ZBTB16: variants seen among roughly 807,000 people sequenced by gnomAD.
ZBTB16 encodes zinc finger and BTB domain-containing protein 16.
Under a neutral mutation model 56.8 loss-of-function variants are expected in ZBTB16, and 8 were observed. The ratio of observed to expected loss-of-function variants is 0.14; its 90% CI spans 0.08 to 0.25. ZBTB16 has a LOEUF of 0.25. Among genes scored for constraint, ZBTB16 ranks in the 10% least tolerant of loss-of-function variants. The pLI is 1.00. For synonymous variants in ZBTB16, 363 were observed against 368.5 expected, an observed-to-expected ratio of 0.98 and a Z score of 0.17; for missense variants, 625 against 903.0, an observed-to-expected ratio of 0.69 and a Z score of 3.95.
chr11:114,241,452 A>C (rs1034249553), intron 4 of ZBTB16, among the ~76,000 whole-genome samples: 9 of 152,188 alleles, frequency 5.9e-5, no homozygotes, highest in Non-Finnish European at 1.3e-4. Flanking sequence ...TTAGATTCTC[A>C]CAGGAGCATG....
At chr11:114,228,039 AGACAGG>A (rs1284546708) in intron 4 of ZBTB16, among the ~76,000 whole-genome samples, 1 of 152,146 alleles carries the variant, frequency 6.6e-6, no homozygotes, top group Non-Finnish European at 1.5e-5. Context: ...CCTGACTCCT[AGACAGG>A]GATTCTTAAC....
intron 2 of ZBTB16, among the ~76,000 whole-genome samples, chr11:114,134,724 C>T (rs1238026980): frequency 6.6e-6 from 1 of 152,072 alleles, no homozygotes; most frequent in East Asian, 1.9e-4. Flanking sequence ...CATTATTGGT[C>T]CTTATTCATA....
At chr11:114,066,490 T>C (rs1939122774) in intron 2 of ZBTB16, among the ~76,000 whole-genome samples, 1 of 152,200 alleles carries the variant, frequency 6.6e-6, no homozygotes, top group African/African-American at 2.4e-5. Flanking sequence ...ATTTCGGCTG[T>C]GTGCTATGAG....
chr11:114,179,327 C>T (rs1943192164), intron 3 of ZBTB16, among the ~76,000 whole-genome samples: 1 of 151,726 alleles, frequency 6.6e-6, no homozygotes, highest in Non-Finnish European at 1.5e-5. Context: ...TGGGAGTACA[C>T]ATCTCCTTGA....
rs550284603 is a variant in ZBTB16 at position 114,175,215 on chromosome 11, C to CA, written c.1367-11735dup. Among the ~76,000 whole-genome samples, 202 of 152,276 alleles carry CA rather than the reference C, an allele frequency of 1.3e-3. 1 individual carries two copies. Among genetic ancestry groups the CA allele is most frequent in the South Asian group, 2.7e-3 (13 of 4,828 alleles). ...GGTGCCCAGCACAGAAAGTGGAGCTCAACAGGCACACAACACCAATACTTT... is the reference window on the plus strand; with the variant it reads ...GGTGCCCAGCACAGAAAGTGGAGCTCAAACAGGCACACAACACCAATACTTT... On this transcript the variant is annotated intron_variant, in intron 3 of 6. Coordinates refer to ENST00000335953, the MANE Select transcript of ZBTB16 (RefSeq NM_006006.6).
chr11:114,080,818 AG>A (rs1362608468), intron 2 of ZBTB16, among the ~76,000 whole-genome samples: 1 of 152,204 alleles, frequency 6.6e-6, no homozygotes, highest in Non-Finnish European at 1.5e-5. Context: ...TATTTTCGGA[AG>A]GTTGAGGAAT....
chr11:114,112,551 G>A lies in ZBTB16; in HGVS notation c.1269-43786G>A, dbSNP rs17116386. ...TCTTCCTGTAAAAAAGTTGGCTGTC[G>A]TCAAAACACCCCTTCTGTCTAAGGG... is the stretch of plus-strand genomic sequence containing the variant. On this transcript the variant is annotated intron_variant, in intron 2 of 6. Transcript: ENST00000335953. Among the ~76,000 whole-genome samples, 852 of 152,140 alleles carry A rather than the reference G, an allele frequency of 5.6e-3. 12 individuals are homozygous for A. The highest frequency in any genetic ancestry group is 0.049 in the East Asian group (253 of 5,170).
chr11:114,196,318 G>T (rs1479664856), intron 4 of ZBTB16, among the ~76,000 whole-genome samples: 1 of 152,190 alleles, frequency 6.6e-6, no homozygotes, highest in African/African-American at 2.4e-5. Context: ...GCTATCACCA[G>T]GAACCTGGGT....
intron 2 of ZBTB16, among the ~76,000 whole-genome samples, chr11:114,150,137 C>T (rs189346141): frequency 5.3e-5 from 8 of 152,282 alleles, no homozygotes; most frequent in Non-Finnish European, 2.9e-5. Context: ...GACTAATGGC[C>T]TACTTAGCCT....
chr11:114,182,657 C>T (rs929708268), intron 3 of ZBTB16, among the ~76,000 whole-genome samples: 1 of 152,218 alleles, frequency 6.6e-6, no homozygotes, highest in East Asian at 1.9e-4. Flanking sequence ...CTGCTAGGTC[C>T]ATGCGCACCC....
rs180803335 is a variant in ZBTB16, at chr11:114,119,116, A to G, written c.1269-37221A>G. Among the ~76,000 whole-genome samples the G allele has an allele frequency of 5.1e-4, 77 of 151,952 alleles. 1 individual carries two copies. In the East Asian group the frequency reaches 0.013, roughly 26 times the overall value. ...CATGTCTCTACTAAAAATACAAAAA[A>G]TTAGCTGGATGTGGTGGTGGGTGCC... On this transcript the variant is annotated intron_variant, in intron 2 of 6. Transcript: ENST00000335953.
intron 4 of ZBTB16, among the ~76,000 whole-genome samples, chr11:114,198,201 C>T (rs939222607): frequency 1.3e-5 from 2 of 152,122 alleles, no homozygotes; most frequent in Non-Finnish European, 2.9e-5. Context: ...ATTTGTATAG[C>T]ATTTCACATT....
chr11:114,171,775 T>C (rs1320495839), intron 3 of ZBTB16, among the ~76,000 whole-genome samples: 9 of 152,264 alleles, frequency 5.9e-5, no homozygotes, highest in African/African-American at 2.2e-4. Flanking sequence ...TATCTCAGTC[T>C]CTGGCACGGA....
chr11:114,131,381 A>G (rs1454272261), intron 2 of ZBTB16, among the ~76,000 whole-genome samples: 2 of 152,218 alleles, frequency 1.3e-5, no homozygotes, highest in African/African-American at 2.4e-5. Context: ...AATTTTTACT[A>G]AATTCTTGCA....
intron 2 of ZBTB16, among the ~76,000 whole-genome samples, chr11:114,073,078 G>A (rs1259421658): frequency 7.1e-6 from 1 of 141,338 alleles, no homozygotes; most frequent in African/African-American, 2.6e-5. Context: ...AAAAAAAAGA[G>A]TTGTACCAGG....
chr11:114,221,878 A>T (rs1591794110), intron 4 of ZBTB16, among the ~76,000 whole-genome samples: 1 of 152,312 alleles, frequency 6.6e-6, no homozygotes, highest in Admixed American at 6.5e-5. Context: ...GGGGAATAGG[A>T]TGAGTGAAAT....
At chr11:114,160,854 G>A (rs1218137511) in intron 3 of ZBTB16, among the ~76,000 whole-genome samples, 1 of 152,166 alleles carries the variant, frequency 6.6e-6, no homozygotes, top group Non-Finnish European at 1.5e-5. Flanking sequence ...TTGGGGGTCA[G>A]AAGGGTTTGC....
intron 4 of ZBTB16, among the ~76,000 whole-genome samples, chr11:114,218,153 G>C (rs1944149891): frequency 6.6e-6 from 1 of 152,202 alleles, no homozygotes; most frequent in Non-Finnish European, 1.5e-5. Flanking sequence ...CCAGGCTGCT[G>C]TTGGAAATTT....
Position 114,159,941 on chromosome 11 carries a change from G to GGGT in ZBTB16, c.1366+3509_1366+3510insTGG, listed in dbSNP as rs563934661. On this transcript the variant is annotated intron_variant, in intron 3 of 6. Transcript: ENST00000335953. ...CAGAACCCTGGGCGGGGGAGGCGGG[G>GGGT]GGGAGGCGAGCATTTTTTTTCAAAA... Among the ~76,000 whole-genome samples the GGGT allele has an allele frequency of 2.1e-5, 3 of 145,944 alleles. 1 individual carries two copies. The highest frequency in any genetic ancestry group is 7.6e-5 in the African/African-American group (3 of 39,678).
Sources: gnomAD v4.1 joint callset for allele counts (sites outside exome capture counted in the v4.1 genomes callset) on GRCh38, gnomAD v4.1.1 for gene constraint, MANE v1.5 for transcripts, NCBI Gene and HGNC (gene_info 2026-07-23, HGNC 2026-07-21) for gene names.